CLDND1: variants seen among roughly 807,000 people sequenced by gnomAD.
CLDND1 encodes claudin domain containing 1, also known as claudin domain-containing protein 1.
A neutral mutation model predicts 26.3 loss-of-function variants in CLDND1; 13 were observed. The observed-to-expected ratio is 0.49, with a 90% confidence interval of 0.32 to 0.78. CLDND1 has a LOEUF of 0.78. CLDND1 is among the 30% of genes least tolerant of loss of function. The pLI, the probability that CLDND1 is intolerant of heterozygous loss-of-function variation, is 0.03. For synonymous variants in CLDND1, 107 were observed against 107.0 expected (o/e 1.00, Z 0.00); for missense variants, 289 against 312.8 (o/e 0.92, Z 0.57).
chr3:98,520,502 G>A (rs528471260), intron 2 of CLDND1, among the ~76,000 whole-genome samples: 2 of 151,464 alleles, frequency 1.3e-5, no homozygotes, highest in South Asian at 4.2e-4. Flanking sequence ...TTTAATAACT[G>A]GAAATCAAAA....
Position 98,516,711 on chromosome 3 carries a change from G to A in CLDND1, c.710C>T (p.Ala237Val), listed in dbSNP as rs1475754403. The A allele has an allele frequency of 6.2e-7, 1 of 1,614,178 alleles. No homozygotes were observed. Among genetic ancestry groups the A allele is most frequent in the Admixed American group, 1.7e-5 (1 of 60,022 alleles). The part of the protein sequence containing the change: ...FMASALFIWA[A>V]HTNRKEYTLM... ...GGTGTACTCTTTCCGGTTGGTGTGA[G>A]CAGCCCAGATGAAGAGAGCAGAAGC... Residue 237 changes from alanine (A) to valine (V), a missense_variant, in exon 5 of 5, where the codon GCT (alanine) becomes GTT (valine). Coordinates refer to ENST00000341181, the MANE Select transcript of CLDND1 (RefSeq NM_001040181.2).
At chr3:98,520,441 T>C (rs1269842070) in intron 2 of CLDND1, among the ~76,000 whole-genome samples, 1 of 152,232 alleles carries the variant, frequency 6.6e-6, no homozygotes, top group Admixed American at 6.5e-5. Flanking sequence ...ACAGAAGTAG[T>C]CATAAATAAA....
Position 98,522,896 on chromosome 3 carries a change from G to C in CLDND1, c.-66C>G. Reference sequence around the variant, plus strand: ...GCTTCACCCTCTAGCTCAGACCACAGCACCCTACTCTCCCCGCGCCTCCTC... The same window carrying C: ...GCTTCACCCTCTAGCTCAGACCACACCACCCTACTCTCCCCGCGCCTCCTC... On this transcript the variant is annotated 5_prime_UTR_variant, in exon 1 of 5. Transcript: ENST00000341181. The C allele has an allele frequency of 6.2e-7, 1 of 1,612,708 alleles. No homozygotes were observed.
At chr3:98,517,676 T>C (rs1706207357) in intron 3 of CLDND1, among the ~76,000 whole-genome samples, 1 of 152,252 alleles carries the variant, frequency 6.6e-6, no homozygotes, top group Admixed American at 6.5e-5. Flanking sequence ...GTGTAGGTTA[T>C]ATGCTAATAT....
Position 98,518,909 on chromosome 3 carries a change from T to C in CLDND1, c.379A>G (p.Ser127Gly). 6.2e-7 allele frequency: 1 copy of C among 1,610,488 alleles called. No homozygotes were observed. The change falls in exon 3 of 5, where the codon AGC becomes GGC. Residue 127 changes from serine (S) to glycine (G), a missense_variant. Ser to Gly is a moderately conservative substitution (Grantham distance 56). Transcript: ENST00000341181. The stretch of plus-strand genomic sequence containing the variant: ...CAGGTCCTAAGGAGATCAATCCCGC[T>C]ATTGTGGTTTCCGGGATCAACAAAT... ...EKFVDPGNHNSGIDLLRTYLW... is the reference protein window; with the variant it reads ...EKFVDPGNHNGGIDLLRTYLW...
At chr3:98,517,924 C>T (rs1478417839) in intron 3 of CLDND1, among the ~76,000 whole-genome samples, 1 of 152,082 alleles carries the variant, frequency 6.6e-6, no homozygotes, top group Non-Finnish European at 1.5e-5. Flanking sequence ...GATCTAAAGG[C>T]AGTAACAACA....
Position 98,521,165 on chromosome 3 carries a change from T to C in CLDND1, c.260A>G (p.Asn87Ser), listed in dbSNP as rs1706392702. 6.2e-7 allele frequency: 1 copy of C among 1,613,708 alleles called. No individual in the cohort carries two copies. Among genetic ancestry groups the C allele is most frequent in the Non-Finnish European group, 8.5e-7 (1 of 1,179,590 alleles). The change falls in exon 2 of 5, where the codon AAC (asparagine) becomes AGC (serine). Residue 87 changes from asparagine (N) to serine (S), a missense_variant. Coordinates refer to ENST00000341181, the MANE Select transcript of CLDND1 (RefSeq NM_001040181.2). ...TTCTGGTGGGCTATACCAATGCATG[T>C]TTTTGGGTATGGTGATACACCGTCT... is the stretch of plus-strand genomic sequence containing the variant. ...LWRRCITIPK[N>S]MHWYSPPERT...
chr3:98,519,652 C>T (rs1706316253), intron 2 of CLDND1, among the ~76,000 whole-genome samples: 1 of 152,194 alleles, frequency 6.6e-6, no homozygotes, highest in Non-Finnish European at 1.5e-5. Context: ...TCTCATTCTG[C>T]CTAGAGTCCT....
intron 2 of CLDND1, 108 bp downstream of exon 2, chr3:98,521,025 G>GGA: frequency 1.1e-6 from 1 of 906,578 alleles, no homozygotes; most frequent in Non-Finnish European, 1.7e-6. Flanking sequence ...ATTTCTTTAA[G>GGA]GAGAGAGAGA....
At chr3:98,521,545 C>T in intron 1 of CLDND1, 103 bp from the exon 2 acceptor site, 1 of 1,462,160 alleles carries the variant, frequency 6.8e-7, no homozygotes, top group South Asian at 1.2e-5. Flanking sequence ...TTCCCCATCC[C>T]TTCGTACATA....
At chr3:98,521,835 G>A in intron 1 of CLDND1, 3 of 728,968 alleles carry the variant, frequency 4.1e-6, no homozygotes, top group South Asian at 1.8e-5. Flanking sequence ...AGAGGATTAA[G>A]TGTTCTGGGT....
At chr3:98,521,100 TGAA>T (rs1182922953) in intron 2 of CLDND1, 30 bp downstream of exon 2, 2 of 1,572,270 alleles carry the variant, frequency 1.3e-6, no homozygotes, top group Non-Finnish European at 1.7e-6. Context: ...ATTAACCAGG[TGAA>T]GAAGACAGAA....
intron 2 of CLDND1, among the ~76,000 whole-genome samples, chr3:98,519,440 C>T (rs975853305): frequency 6.6e-6 from 1 of 152,212 alleles, no homozygotes; most frequent in Non-Finnish European, 1.5e-5. Flanking sequence ...AGGAATTCTT[C>T]CTTCAAACTA....
chr3:98,516,720 A>G lies in CLDND1; in HGVS notation c.701T>C (p.Ile234Thr). The G allele has an allele frequency of 1.2e-6, 2 of 1,614,150 alleles. No individual in the cohort carries two copies. Among genetic ancestry groups the G allele is most frequent in the Non-Finnish European group, 8.5e-7 (1 of 1,180,028 alleles). ...TTTCCGGTTGGTGTGAGCAGCCCAG[A>G]TGAAGAGAGCAGAAGCCATGAACTG... ...PLQFMASALF[I>T]WAAHTNRKEY... is the part of the protein sequence containing the mutation. The change falls in exon 5 of 5, where the codon ATC becomes ACC. Residue 234 changes from isoleucine (I) to threonine (T), a missense_variant. By Grantham distance (89) the Ile-to-Thr change is moderately conservative. Transcript: ENST00000341181.
At chr3:98,519,634 A>T (rs1706315369) in intron 2 of CLDND1, among the ~76,000 whole-genome samples, 2 of 152,190 alleles carry the variant, frequency 1.3e-5, no homozygotes, top group African/African-American at 4.8e-5. Context: ...TGGAGTCAAC[A>T]CCAAAGTTCT....
intron 1 of CLDND1, 111 bp downstream of exon 1, chr3:98,522,738 C>T (rs1706481586): frequency 1.9e-6 from 3 of 1,591,432 alleles, no homozygotes; most frequent in Middle Eastern, 1.7e-4. Flanking sequence ...ATCCGCCGCT[C>T]GGAACCCGCC....
Position 98,515,673 on chromosome 3 carries a change from A to G in CLDND1, c.*986T>C. 1.6e-6 allele frequency: 2 copies of G among 1,266,866 alleles called. No individual in the cohort carries two copies. Among genetic ancestry groups the G allele is most frequent in the Admixed American group, 2.5e-5 (1 of 40,276 alleles). The allele number at this position is 1,266,866 out of a possible 1,614,324, so 78.5% of individuals were successfully genotyped here. ...TTAGAAGACATTAAATAATGTTGATACACACCAGGAAGGGATTTAGGCAAG... is the reference window on the plus strand; with the variant it reads ...TTAGAAGACATTAAATAATGTTGATGCACACCAGGAAGGGATTTAGGCAAG... On this transcript the variant is annotated 3_prime_UTR_variant, in exon 5 of 5. Transcript: ENST00000341181.
intron 1 of CLDND1, chr3:98,522,612 C>T: frequency 7.2e-7 from 1 of 1,388,650 alleles, no homozygotes; most frequent in Non-Finnish European, 9.3e-7. Flanking sequence ...CCTCCTGGGC[C>T]TCACGGCGGG....
At chr3:98,522,756 A>G (rs1394673269) in intron 1 of CLDND1, 93 bp downstream of exon 1, 6 of 1,607,936 alleles carry the variant, frequency 3.7e-6, no homozygotes, top group Non-Finnish European at 4.2e-6. Flanking sequence ...GCCCAGCCCG[A>G]CCACGCCCGG....
Sources: allele counts gnomAD v4.1 joint callset (sites outside exome capture counted in the v4.1 genomes callset), GRCh38; gene constraint gnomAD v4.1.1; transcripts MANE v1.5; gene names NCBI Gene and HGNC (gene_info 2026-07-23, HGNC 2026-07-21).